The following CRADD variants were observed in gnomAD, a reference collection of about 807,000 sequenced individuals.
CRADD encodes the protein death domain-containing protein CRADD.
In CRADD, 9 loss-of-function variants were observed where a neutral mutation model predicts 15.5. That is an observed-to-expected ratio of 0.58 (90% CI 0.35 to 1.01). CRADD has a LOEUF of 1.01. CRADD is among the 50% of genes least tolerant of loss of function. The pLI is 0.02. For missense variants in CRADD, 227 were observed against 250.3 expected (o/e 0.91, Z 0.63); for synonymous variants, 118 against 107.6 (o/e 1.10, Z -0.60).
intron 2 of CRADD, chr12:93,738,188 C>A: frequency 1.6e-6 from 1 of 607,626 alleles, no homozygotes; most frequent in Admixed American, 2.9e-5. Flanking sequence ...CAGCGCTGCT[C>A]ATTTTTTGCA....
chr12:93,796,131 T>A (rs1327588782), intron 2 of CRADD, among the ~76,000 whole-genome samples: 1 of 152,238 alleles, frequency 6.6e-6, no homozygotes, highest in Admixed American at 6.5e-5. Flanking sequence ...TTGGTTTTTT[T>A]TTCAAGGACT....
At chr12:93,746,278 C>T (rs992326465) in intron 2 of CRADD, among the ~76,000 whole-genome samples, 5 of 152,148 alleles carry the variant, frequency 3.3e-5, no homozygotes, top group African/African-American at 1.2e-4. Context: ...CTCTGAGTTG[C>T]AATAAAAATC....
intron 2 of CRADD, among the ~76,000 whole-genome samples, chr12:93,739,734 A>G (rs1371009859): frequency 6.6e-6 from 1 of 152,194 alleles, no homozygotes; most frequent in African/African-American, 2.4e-5. Flanking sequence ...TCTCATTTTA[A>G]AATAGGAAAA....
At chr12:93,690,998 G>T (rs1565872997) in intron 2 of CRADD, among the ~76,000 whole-genome samples, 1 of 152,172 alleles carries the variant, frequency 6.6e-6, no homozygotes, top group Admixed American at 6.5e-5. Flanking sequence ...TAAGAAATAT[G>T]ATTAGGTAAA....
intron 2 of CRADD, among the ~76,000 whole-genome samples, chr12:93,790,003 CTG>C (rs1287715637): frequency 6.6e-6 from 1 of 152,116 alleles, no homozygotes; most frequent in African/African-American, 2.4e-5. Context: ...TTTTGGGAAA[CTG>C]TGTGTTCGTA....
Position 93,832,285 on chromosome 12 carries a change from G to C in CRADD, c.299-17685G>C, listed in dbSNP as rs567212814. The stretch of plus-strand genomic sequence containing the variant: ...TTTATAAGATTGTTGTTGAGTCACA[G>C]CTTTGAAGGATTTTGCTTGGTAAAT... On this transcript the variant is annotated intron_variant, in intron 2 of 2. Coordinates refer to ENST00000332896, the MANE Select transcript of CRADD (RefSeq NM_003805.5). Among the ~76,000 whole-genome samples the C allele has an allele frequency of 7.9e-5, 12 of 152,230 alleles. No individual in the cohort carries two copies. In the South Asian group the frequency reaches 2.5e-3, roughly 32 times the overall value.
At chr12:93,736,876 T>C (rs1354143022) in intron 2 of CRADD, among the ~76,000 whole-genome samples, 1 of 152,242 alleles carries the variant, frequency 6.6e-6, no homozygotes, top group African/African-American at 2.4e-5. Flanking sequence ...TTTAGTTCTC[T>C]TTTATAGAAC....
rs118092654 is a variant in CRADD, at chr12:93,804,991, T to C, written c.299-44979T>C. Reference sequence around the variant, plus strand: ...AGTTAAGGATGATGAGTAAGCCGAGTATAATAGCTACTGCTTTCAAGATTT... The same window carrying C: ...AGTTAAGGATGATGAGTAAGCCGAGCATAATAGCTACTGCTTTCAAGATTT... On this transcript the variant is annotated intron_variant, in intron 2 of 2. Coordinates refer to ENST00000332896, the MANE Select transcript of CRADD (RefSeq NM_003805.5). Among the ~76,000 whole-genome samples the C allele has an allele frequency of 3.9e-3, 599 of 152,176 alleles. 13 individuals carry two copies. The highest frequency in any genetic ancestry group is 0.021 in the East Asian group (108 of 5,168).
chr12:93,710,934 T>C (rs1171355795), intron 2 of CRADD, among the ~76,000 whole-genome samples: 1 of 152,086 alleles, frequency 6.6e-6, no homozygotes, highest in East Asian at 1.9e-4. Context: ...TTGAACCCTT[T>C]GGTTTTGAGC....
chr12:93,874,012 A>G (rs975989337), intron 2 of CRADD, among the ~76,000 whole-genome samples: 6 of 152,090 alleles, frequency 3.9e-5, no homozygotes, highest in African/African-American at 1.4e-4. Flanking sequence ...TAGTTTGAGT[A>G]GGATTAGTAT....
At chr12:93,737,134 A>G (rs1194166214) in intron 2 of CRADD, among the ~76,000 whole-genome samples, 1 of 152,354 alleles carries the variant, frequency 6.6e-6, no homozygotes, top group Non-Finnish European at 1.5e-5. Context: ...AGAGTTTGCT[A>G]TGTGAACAAG....
chr12:93,825,191 C>T (rs368025949), intron 2 of CRADD, among the ~76,000 whole-genome samples: 1 of 152,194 alleles, frequency 6.6e-6, no homozygotes, highest in African/African-American at 2.4e-5. Context: ...TATACTTGAA[C>T]TAGCCCGAAA....
At chr12:93,797,587 C>T (rs1957433077) in intron 2 of CRADD, among the ~76,000 whole-genome samples, 1 of 152,022 alleles carries the variant, frequency 6.6e-6, no homozygotes, top group Non-Finnish European at 1.5e-5. Flanking sequence ...ATAAGAATCC[C>T]ACATAATGTC....
At chr12:93,765,133 C>A (rs1469164013) in intron 2 of CRADD, among the ~76,000 whole-genome samples, 1 of 151,892 alleles carries the variant, frequency 6.6e-6, no homozygotes, top group East Asian at 1.9e-4. Flanking sequence ...AAAAAAGACT[C>A]AATATTTTTG....
intron 2 of CRADD, among the ~76,000 whole-genome samples, chr12:93,689,926 T>C (rs1331496503): frequency 6.6e-6 from 1 of 152,210 alleles, no homozygotes; most frequent in South Asian, 2.1e-4. Flanking sequence ...AAACACTTTA[T>C]AGATGAGGAA....
intron 2 of CRADD, among the ~76,000 whole-genome samples, chr12:93,711,574 T>C (rs186369782): frequency 6.6e-6 from 1 of 152,122 alleles, no homozygotes; most frequent in African/African-American, 2.4e-5. Flanking sequence ...AGCCACATTT[T>C]ATTTCTTTCT....
intron 2 of CRADD, among the ~76,000 whole-genome samples, chr12:93,753,100 G>A (rs1414258372): frequency 6.6e-6 from 1 of 151,684 alleles, no homozygotes; most frequent in African/African-American, 2.4e-5. Flanking sequence ...ATGACATTTG[G>A]GTGGGGACAC....
chr12:93,816,727 C>G (rs1461561325), intron 2 of CRADD, among the ~76,000 whole-genome samples: 4 of 151,876 alleles, frequency 2.6e-5, no homozygotes, highest in Non-Finnish European at 5.9e-5. Flanking sequence ...TGTTTCTACC[C>G]AGTTCACCTG....
In CRADD at chr12:93,758,314, A is replaced by G. The variant is rs573227513; in HGVS notation, c.298+79242A>G. Among the ~76,000 whole-genome samples the G allele has an allele frequency of 7.9e-5, 12 of 152,304 alleles. No homozygotes were observed. In the East Asian group the frequency reaches 2.3e-3, roughly 29 times the overall value. On this transcript the variant is annotated intron_variant, in intron 2 of 2. Coordinates refer to ENST00000332896, the MANE Select transcript of CRADD (RefSeq NM_003805.5). ...GAGAGTTTTCCCCATTGCTATTCTT[A>G]CTATGTTGTTTATCAAACAAAGATA...
Sources: allele counts gnomAD v4.1 joint callset (sites outside exome capture counted in the v4.1 genomes callset), GRCh38; gene constraint gnomAD v4.1.1; transcripts MANE v1.5; gene names NCBI Gene and HGNC (gene_info 2026-07-23, HGNC 2026-07-21).